The following CNNM2 variants were observed in gnomAD, a reference collection of about 807,000 sequenced individuals.
CNNM2 encodes cyclin and CBS domain divalent metal cation transport mediator 2, also known as metal transporter CNNM2.
CNNM2 carries 12 observed loss-of-function variants against 66.9 expected under a neutral mutation model. The observed-to-expected ratio is 0.18, with a 90% CI of 0.11 to 0.29. The LOEUF (loss-of-function observed/expected upper bound fraction) is 0.29. Ranked by LOEUF, CNNM2 falls within the 10% of genes least tolerant of loss-of-function variation. The probability of loss-of-function intolerance (pLI) is 1.00; values close to 1 mark genes in which losing one functional copy is unlikely to be tolerated. For synonymous variants in CNNM2, 557 were observed against 501.8 expected (o/e 1.11, Z -1.47); for missense variants, 705 against 1,167.7 (o/e 0.60, Z 5.77).
At position 102,919,409 on chromosome 10, in the gene CNNM2, G is replaced by A. The variant is rs759736939; in HGVS notation, c.929G>A (p.Arg310Lys). ...NYAKRIEPVR[R>K]QGNYLLCSLL... ...GCCAAGCGCATCGAGCCGGTGCGCA[G>A]GCAGGGCAACTACCTGCTGTGCTCA... The change falls in exon 1 of 8, where the codon AGG becomes AAG. Residue 310 changes from arginine to lysine, a missense_variant. By Grantham distance (26) the Arg-to-Lys change is conservative. Transcript: ENST00000369878. The A allele has an allele frequency of 1.2e-6, 2 of 1,611,572 alleles. No homozygotes were observed. Among genetic ancestry groups the A allele is most frequent in the African/African-American group, 2.7e-5 (2 of 74,952 alleles).
At chr10:102,996,604 C>T (rs1395878135) in intron 1 of CNNM2, among the ~76,000 whole-genome samples, 3 of 152,042 alleles carry the variant, frequency 2.0e-5, no homozygotes, top group African/African-American at 4.8e-5. Context: ...CTCGGGAGGC[C>T]GAGGTGGGAG....
intron 1 of CNNM2, among the ~76,000 whole-genome samples, chr10:103,023,249 G>C (rs1440080869): frequency 1.3e-5 from 2 of 152,154 alleles, no homozygotes; most frequent in African/African-American, 4.8e-5. Context: ...GGTGAACTGA[G>C]CAAGAACTCG....
chr10:102,958,296 ACCCTT>A (rs931209957), intron 1 of CNNM2, among the ~76,000 whole-genome samples: 8 of 151,702 alleles, frequency 5.3e-5, no homozygotes, highest in African/African-American at 1.9e-4. Context: ...ATTCCTCTCT[ACCCTT>A]AGTTTCAAAA....
Position 103,084,461 on chromosome 10 carries a change from G to C in CNNM2, c.*7281G>C, listed in dbSNP as rs767042032. ...CTTCGAACCCTGCTTGCTTTCATTA[G>C]AAGCAGGGCAGAAAGTGGCAGCAGA... On this transcript the variant is annotated 3_prime_UTR_variant, in exon 8 of 8. Coordinates refer to ENST00000369878, the MANE Select transcript of CNNM2 (RefSeq NM_017649.5). 7 of 152,190 alleles carry C rather than the reference G, an allele frequency of 4.6e-5. No individual in the cohort carries two copies. The highest frequency in any genetic ancestry group is 7.3e-5 in the Non-Finnish European group (5 of 68,040). 9.4% of individuals were successfully genotyped at this position (152,190 alleles called of 1,614,324 possible). A position where few individuals can be genotyped will look rare whatever the true frequency, so the allele number is the denominator to read the frequency against.
At chr10:102,987,111 G>T (rs1181373477) in intron 1 of CNNM2, among the ~76,000 whole-genome samples, 1 of 152,142 alleles carries the variant, frequency 6.6e-6, no homozygotes, top group East Asian at 1.9e-4. Flanking sequence ...TGCTGAAGGA[G>T]AATGTTCAGA....
intron 1 of CNNM2, among the ~76,000 whole-genome samples, chr10:102,972,485 A>C (rs1193733823): frequency 6.6e-6 from 1 of 152,100 alleles, no homozygotes; most frequent in Admixed American, 6.5e-5. Flanking sequence ...AAATACAAAA[A>C]AATTAGACGG....
At chr10:102,944,091 T>C (rs139161831) in intron 1 of CNNM2, among the ~76,000 whole-genome samples, 175 of 151,590 alleles carry the variant, frequency 1.2e-3, no homozygotes, top group Middle Eastern at 3.4e-3. Context: ...ATTCTTTTTT[T>C]TTTTTTTTTT....
At chr10:102,980,018 A>G (rs1485237018) in intron 1 of CNNM2, among the ~76,000 whole-genome samples, 1 of 151,692 alleles carries the variant, frequency 6.6e-6, no homozygotes, top group Non-Finnish European at 1.5e-5. Context: ...GGTTCAAGCC[A>G]TTCTCCTGCC....
In CNNM2 at chr10:103,082,864, A is replaced by C. The variant is rs771005618; in HGVS notation, c.*5684A>C. 6.6e-6 allele frequency: 1 copy of C among 152,224 alleles called. No individual in the cohort carries two copies. The highest frequency in any genetic ancestry group is 2.4e-5 in the African/African-American group (1 of 41,422). 9.4% of individuals were successfully genotyped at this position (152,224 alleles called of 1,614,324 possible). ...TCTTGGTGACAGGCTCTCTTCCCCT[A>C]TGTAGGGTACAGTACAGCTGTGAGT... On this transcript the variant is annotated 3_prime_UTR_variant, in exon 8 of 8. Coordinates refer to ENST00000369878, the MANE Select transcript of CNNM2 (RefSeq NM_017649.5).
At chr10:103,076,573 C>T (rs771452640) in intron 7 of CNNM2, among the ~76,000 whole-genome samples, 3 of 152,182 alleles carry the variant, frequency 2.0e-5, no homozygotes, top group African/African-American at 7.2e-5. Flanking sequence ...CTCCTGGGTG[C>T]GTGGCTCCCT....
chr10:102,977,908 A>G (rs1442905579), intron 1 of CNNM2, among the ~76,000 whole-genome samples: 1 of 151,794 alleles, frequency 6.6e-6, no homozygotes, highest in East Asian at 1.9e-4. Flanking sequence ...CCTGGGACCT[A>G]TTTTGTTGTT....
intron 6 of CNNM2, among the ~76,000 whole-genome samples, chr10:103,075,201 G>A (rs748411244): frequency 2.0e-5 from 3 of 152,314 alleles, no homozygotes; most frequent in Admixed American, 6.5e-5. Flanking sequence ...GGAGCCAAGC[G>A]TCAGATGGGA....
At chr10:102,939,924 C>T (rs999076761) in intron 1 of CNNM2, among the ~76,000 whole-genome samples, 1 of 151,838 alleles carries the variant, frequency 6.6e-6, no homozygotes, top group African/African-American at 2.4e-5. Flanking sequence ...TCTGAGATCG[C>T]GCCACTGCAC....
At chr10:103,037,927 C>T (rs1321589011) in intron 1 of CNNM2, among the ~76,000 whole-genome samples, 1 of 152,058 alleles carries the variant, frequency 6.6e-6, no homozygotes, top group Non-Finnish European at 1.5e-5. Context: ...GCAACCTCCA[C>T]CTCTTGGGTT....
chr10:103,058,211 T>C (rs2065326406), intron 4 of CNNM2, among the ~76,000 whole-genome samples: 1 of 152,126 alleles, frequency 6.6e-6, no homozygotes, highest in South Asian at 2.1e-4. Flanking sequence ...CTAAATTTAG[T>C]TTTCCTCAAT....
chr10:103,025,747 A>G (rs1031591635), intron 1 of CNNM2, among the ~76,000 whole-genome samples: 53 of 152,246 alleles, frequency 3.5e-4, no homozygotes, highest in African/African-American at 1.2e-3. Flanking sequence ...TTTCAAAGCA[A>G]TACAAGTGCA....
chr10:102,959,600 A>T (rs1334228721), intron 1 of CNNM2, among the ~76,000 whole-genome samples: 1 of 152,188 alleles, frequency 6.6e-6, no homozygotes, highest in East Asian at 1.9e-4. Context: ...CTTTAGAGAC[A>T]GGGTCTTGCT....
chr10:103,023,435 C>G (rs1176161930), intron 1 of CNNM2, among the ~76,000 whole-genome samples: 1 of 152,120 alleles, frequency 6.6e-6, no homozygotes, highest in East Asian at 1.9e-4. Flanking sequence ...GTAATCCCAG[C>G]TACTCAGGAG....
intron 1 of CNNM2, among the ~76,000 whole-genome samples, chr10:103,002,107 G>GCAAAA (rs1183050213): frequency 6.6e-6 from 1 of 152,124 alleles, no homozygotes; most frequent in Non-Finnish European, 1.5e-5. Context: ...AAAAGCAAAA[G>GCAAAA]CAACCACAGA....
Sources: allele counts gnomAD v4.1 joint callset (sites outside exome capture counted in the v4.1 genomes callset), GRCh38; gene constraint gnomAD v4.1.1; transcripts MANE v1.5; gene names NCBI Gene and HGNC (gene_info 2026-07-23, HGNC 2026-07-21).